EXTL3: variants seen among roughly 807,000 people sequenced by gnomAD.
The protein encoded by EXTL3 is exostosin like glycosyltransferase 3.
Under a neutral mutation model 69.3 loss-of-function variants are expected in EXTL3, and 27 were observed. That is an observed-to-expected ratio of 0.39 (90% CI 0.29 to 0.54). The LOEUF (loss-of-function observed/expected upper bound fraction) is 0.54, where lower values mean the gene tolerates loss of function less well. Among genes scored for constraint, EXTL3 ranks in the 20% least tolerant of loss-of-function variants. The pLI is 0.69. For missense variants in EXTL3, 1,003 were observed against 1,231.8 expected (o/e 0.81, Z 2.78); for synonymous variants, 511 against 499.4 (o/e 1.02, Z -0.31).
chr8:28,633,179 A>G (rs1806597482), intron 1 of EXTL3, among the ~76,000 whole-genome samples: 1 of 151,866 alleles, frequency 6.6e-6, no homozygotes, highest in Non-Finnish European at 1.5e-5. Flanking sequence ...TCTCTACAAA[A>G]TTTTAAAAAT....
intron 1 of EXTL3, among the ~76,000 whole-genome samples, chr8:28,682,426 T>C (rs556908030): frequency 6.6e-6 from 1 of 152,144 alleles, no homozygotes; most frequent in South Asian, 2.1e-4. Context: ...TTTCCTTTGC[T>C]GTGCAGCAGC....
At chr8:28,645,721 G>A (rs974189372) in intron 1 of EXTL3, among the ~76,000 whole-genome samples, 1 of 150,804 alleles carries the variant, frequency 6.6e-6, no homozygotes, top group Admixed American at 6.6e-5. Context: ...AAGAGATGGG[G>A]TCTTGCTATG....
downstream of EXTL3, among the ~76,000 whole-genome samples, chr8:28,756,373 C>T (rs574823729): frequency 6.6e-6 from 1 of 152,184 alleles, no homozygotes; most frequent in South Asian, 2.1e-4. Context: ...TGTGTGTGTC[C>T]GTCTTCTACA....
At chr8:28,748,264 G>A (rs573642107) in intron 6 of EXTL3, among the ~76,000 whole-genome samples, 3 of 151,840 alleles carry the variant, frequency 2.0e-5, no homozygotes, top group Non-Finnish European at 4.4e-5. Flanking sequence ...CCAGCTACTC[G>A]GGAGGCTGAG....
At chr8:28,665,070 T>C (rs1807174564) in intron 1 of EXTL3, among the ~76,000 whole-genome samples, 1 of 102,698 alleles carries the variant, frequency 9.7e-6, no homozygotes, top group Admixed American at 1.1e-4. Context: ...TTACTTTTTT[T>C]TTTTTTTTTT....
chr8:28,695,682 T>G (rs1800675608), intron 1 of EXTL3, among the ~76,000 whole-genome samples: 1 of 152,246 alleles, frequency 6.6e-6, no homozygotes, highest in South Asian at 2.1e-4. Context: ...TACAGTGACC[T>G]GTTCCCACAA....
At chr8:28,632,742 C>T (rs1008019150) in intron 1 of EXTL3, among the ~76,000 whole-genome samples, 2 of 151,454 alleles carry the variant, frequency 1.3e-5, no homozygotes, top group Admixed American at 6.6e-5. Flanking sequence ...TTAGTAGAGA[C>T]GGGGTTTCAC....
intron 1 of EXTL3, among the ~76,000 whole-genome samples, chr8:28,656,760 C>T (rs1012502561): frequency 1.3e-5 from 2 of 152,106 alleles, no homozygotes; most frequent in Non-Finnish European, 2.9e-5. Flanking sequence ...CCTAAAACCT[C>T]CTCAAATAGT....
chr8:28,648,916 CAG>C (rs1341377376), intron 1 of EXTL3, among the ~76,000 whole-genome samples: 2 of 151,898 alleles, frequency 1.3e-5, no homozygotes, highest in African/African-American at 2.4e-5. Context: ...TTTGTTGAGA[CAG>C]AGTCTTACTC....
intron 4 of EXTL3, among the ~76,000 whole-genome samples, chr8:28,732,312 G>C (rs1258524872): frequency 6.6e-6 from 1 of 152,180 alleles, no homozygotes; most frequent in Non-Finnish European, 1.5e-5. Context: ...TAAGCATTCA[G>C]AAACTTGTAA....
chr8:28,744,831 C>T (rs2130796280), intron 6 of EXTL3, among the ~76,000 whole-genome samples: 1 of 150,768 alleles, frequency 6.6e-6, no homozygotes, highest in South Asian at 2.1e-4. Flanking sequence ...CACACAGTAG[C>T]ATGCGCCTGT....
At chr8:28,741,671 C>G (rs1801783894) in intron 5 of EXTL3, 1 of 152,056 alleles carries the variant, frequency 6.6e-6, no homozygotes, top group Admixed American at 6.5e-5. Context: ...CCAGGCTGGC[C>G]TTGAACTTCT....
chr8:28,655,971 TTGA>T (rs1807003859), intron 1 of EXTL3, among the ~76,000 whole-genome samples: 1 of 152,106 alleles, frequency 6.6e-6, no homozygotes, highest in South Asian at 2.1e-4. Flanking sequence ...TAGGAGTTAG[TTGA>T]TGATGGGTGG....
At chr8:28,682,257 A>C (rs1474177221) in intron 1 of EXTL3, among the ~76,000 whole-genome samples, 1 of 151,944 alleles carries the variant, frequency 6.6e-6, no homozygotes, top group Non-Finnish European at 1.5e-5. Context: ...ATTTTTTGAG[A>C]AATATCTGTT....
At chr8:28,710,852 T>A (rs1801018847) in intron 1 of EXTL3, among the ~76,000 whole-genome samples, 1 of 152,128 alleles carries the variant, frequency 6.6e-6, no homozygotes, top group South Asian at 2.1e-4. Context: ...TATTCTTTAT[T>A]TTGGTACTGT....
chr8:28,661,174 A>C (rs1213827185), intron 1 of EXTL3, among the ~76,000 whole-genome samples: 1 of 151,754 alleles, frequency 6.6e-6, no homozygotes, highest in Non-Finnish European at 1.5e-5. Flanking sequence ...CAGCCTCCCA[A>C]AGTGCTGGGA....
At position 28,731,167 on chromosome 8, in the gene EXTL3, G is replaced by A. The variant is rs1459748363; in HGVS notation, c.2149-56G>A. ...CTCCTTGGACCTAAATACAGATTTT[G>A]TTTGGCCTTTCATAACACAGCCTTA... On this transcript the variant is annotated intron_variant, in intron 3 of 6. Coordinates refer to ENST00000220562, the MANE Select transcript of EXTL3 (RefSeq NM_001440.4). The A allele has an allele frequency of 7.4e-6, 12 of 1,612,290 alleles. No homozygotes were observed. The East Asian group carries it at 1.8e-4, about 24-fold the overall frequency.
chr8:28,704,539 G>A (rs1326401503), intron 1 of EXTL3, among the ~76,000 whole-genome samples: 2 of 152,078 alleles, frequency 1.3e-5, no homozygotes, highest in East Asian at 3.9e-4. Context: ...TAATATTAAT[G>A]GTTAACGTCC....
Position 28,750,902 on chromosome 8 carries a change from G to C in EXTL3, c.*36G>C, listed in dbSNP as rs967321127. ...CGGTCTGGGGAAGAGGATGAGCAGA[G>C]GGAGGAAGATGGCTCCCAAGGTTCC... is the stretch of plus-strand genomic sequence containing the variant. On this transcript the variant is annotated 3_prime_UTR_variant, in exon 7 of 7. Coordinates refer to ENST00000220562, the MANE Select transcript of EXTL3 (RefSeq NM_001440.4). The surrounding 1 kb of genome is among the most constrained non-coding windows in gnomAD (Gnocchi z 5.2). The C allele has an allele frequency of 6.3e-7, 1 of 1,590,430 alleles. No homozygotes were observed. The highest frequency in any genetic ancestry group is 8.6e-7 in the Non-Finnish European group (1 of 1,160,350).
Sources: allele counts gnomAD v4.1 joint callset (sites outside exome capture counted in the v4.1 genomes callset), GRCh38; gene constraint gnomAD v4.1.1; non-coding constraint Gnocchi (gnomAD v3.1); transcripts MANE v1.5; gene names NCBI Gene and HGNC (gene_info 2026-07-23, HGNC 2026-07-21).